The following DLG5 variants were observed in gnomAD, a reference collection of about 807,000 sequenced individuals.
DLG5 encodes the protein discs large MAGUK scaffold protein 5.
In DLG5, 48 loss-of-function variants were observed where a neutral mutation model predicts 189.8. The observed-to-expected ratio is 0.25, with a 90% CI of 0.20 to 0.32. The LOEUF is 0.32. Among genes scored for constraint, DLG5 ranks in the 10% least tolerant of loss-of-function variants. DLG5 has a pLI of 1.00. For synonymous variants in DLG5, 1,016 were observed against 1,054.1 expected, an observed-to-expected ratio of 0.96 and a Z score of 0.70; for missense variants, 2,160 against 2,544.7, an observed-to-expected ratio of 0.85 and a Z score of 3.25.
rs1840642403 is a variant in DLG5 at position 77,791,499 on chromosome 10, G to A, written c.*941C>T. ...TTCCCCTAAAAGCTCTCAATTCAATGTCTGAAACATGAATGTTTTCATATC... is the reference window on the plus strand; with the variant it reads ...TTCCCCTAAAAGCTCTCAATTCAATATCTGAAACATGAATGTTTTCATATC... On this transcript the variant is annotated 3_prime_UTR_variant, in exon 32 of 32. Coordinates refer to ENST00000372391, the MANE Select transcript of DLG5 (RefSeq NM_004747.4). 6.6e-6 allele frequency: 1 copy of A among 152,242 alleles called. No individual in the cohort carries two copies. Among genetic ancestry groups the A allele is most frequent in the African/African-American group, 2.4e-5 (1 of 41,456 alleles). The allele number at this position is 152,242 out of a possible 1,614,324, so 9.4% of individuals were successfully genotyped here.
chr10:77,932,869 T>A, the DLG5 span, among the ~76,000 whole-genome samples: 1 of 152,110 alleles, frequency 6.6e-6, no homozygotes, highest in Non-Finnish European at 1.5e-5. Context: ...CTCAGGTGAC[T>A]GAGGAGGAGG....
At position 77,796,532 on chromosome 10, in the gene DLG5, G is replaced by A. The variant is rs201358191; in HGVS notation, c.5227C>T (p.Leu1743=). 1.1e-5 allele frequency: 18 copies of A among 1,614,072 alleles called. No individual in the cohort carries two copies. The highest frequency in any genetic ancestry group is 9.3e-6 in the Non-Finnish European group (11 of 1,180,044). Residue 1743 remains leucine, a synonymous_variant, in exon 28 of 32, where the codon CTG becomes TTG. Transcript: ENST00000372391. This position sits in a 1 kb window ranked among gnomAD's most constrained non-coding sequence, Gnocchi z 5.2. ...ACGTCCAGCAAAGGCCCCAGAATCA[G>A]GACAGGCCTCAGAGCGGTGCAGTCC... is the stretch of plus-strand genomic sequence containing the variant. ...KVDCTALRPV[L]ILGPLLDVVK...
chr10:77,825,060 ACTG>A (rs1842551700), intron 13 of DLG5, among the ~76,000 whole-genome samples: 1 of 152,174 alleles, frequency 6.6e-6, no homozygotes. Context: ...ATTGCAGAAC[ACTG>A]CTCAGCAACG....
intron 2 of DLG5, among the ~76,000 whole-genome samples, chr10:77,867,569 T>C (rs555999066): frequency 5.3e-5 from 8 of 152,226 alleles, no homozygotes; most frequent in South Asian, 2.1e-4. Flanking sequence ...AACAAAGTAA[T>C]AGGATACCGT....
chr10:77,836,527 C>G (rs1843144457), intron 7 of DLG5, among the ~76,000 whole-genome samples: 1 of 152,080 alleles, frequency 6.6e-6, no homozygotes, highest in African/African-American at 2.4e-5. Context: ...CAGGAAGACA[C>G]ACACGCACAG....
intron 2 of DLG5, among the ~76,000 whole-genome samples, chr10:77,857,154 C>T (rs1844275230): frequency 6.6e-6 from 1 of 152,154 alleles, no homozygotes; most frequent in South Asian, 2.1e-4. Context: ...AAGACGCGCA[C>T]TCTCTCCCCA....
At chr10:77,935,222 T>C in the DLG5 span, among the ~76,000 whole-genome samples, 4 of 151,956 alleles carry the variant, frequency 2.6e-5, no homozygotes, top group African/African-American at 9.7e-5. Flanking sequence ...AGACCAACAA[T>C]CCCCAATGAG....
intron 20 of DLG5, among the ~76,000 whole-genome samples, chr10:77,814,496 T>C (rs1296626930): frequency 8.0e-6 from 1 of 125,168 alleles, no homozygotes; most frequent in Non-Finnish European, 1.6e-5. Flanking sequence ...TATATATATA[T>C]ATATATATAT....
Position 77,853,455 on chromosome 10 carries a change from G to A in DLG5, c.763C>T (p.Leu255=), listed in dbSNP as rs1429857077. The part of the protein sequence containing the change: ...DMLRRENGQL[L]RERNLLQQSW... ...TGCTGCAGCAGGTTTCGCTCCCGCA[G>A]CAGCTGCCCATTCTCCCGCCTCAGC... is the stretch of plus-strand genomic sequence containing the variant. The change falls in exon 5 of 32, where the codon CTG becomes TTG. Residue 255 remains leucine (L), a synonymous_variant. Transcript: ENST00000372391. 6.2e-7 allele frequency: 1 copy of A among 1,611,492 alleles called. No individual in the cohort carries two copies. Among genetic ancestry groups the A allele is most frequent in the Non-Finnish European group, 8.5e-7 (1 of 1,179,054 alleles).
intron 1 of DLG5, among the ~76,000 whole-genome samples, chr10:77,899,460 C>T (rs1845860531): frequency 6.6e-6 from 1 of 152,226 alleles, no homozygotes; most frequent in Non-Finnish European, 1.5e-5. Flanking sequence ...CTCTCTATGC[C>T]TCAGTTCCCT....
intron 27 of DLG5, among the ~76,000 whole-genome samples, chr10:77,797,460 C>T (rs985509491): frequency 6.6e-6 from 1 of 152,204 alleles, no homozygotes; most frequent in African/African-American, 2.4e-5. Context: ...CAGAGCAACA[C>T]ATGAACAGCA....
Position 77,853,683 on chromosome 10 carries a change from G to T in DLG5, c.681-146C>A, listed in dbSNP as rs1255485615. The T allele has an allele frequency of 1.8e-5, 15 of 816,222 alleles. 1 individual carries two copies. The highest frequency in any genetic ancestry group is 3.4e-5 in the African/African-American group (2 of 58,156). 50.6% of individuals were successfully genotyped at this position (816,222 alleles called of 1,614,324 possible). A position where few individuals can be genotyped will look rare whatever the true frequency, so the allele number is the denominator to read the frequency against. ...GGCAGGTAGGTCTGTAGCACTCAGA[G>T]GCAAGCCAAAACCTGCTAACAGCCC... On this transcript the variant is annotated intron_variant, in intron 4 of 31. Transcript: ENST00000372391.
At chr10:77,817,676 G>A in intron 18 of DLG5, 101 bp downstream of exon 18, 1 of 1,002,936 alleles carries the variant, frequency 1.0e-6, no homozygotes, top group South Asian at 1.5e-5. Context: ...GGTGACAGGA[G>A]CTCGTGTGGG....
intron 1 of DLG5, among the ~76,000 whole-genome samples, chr10:77,882,787 G>T (rs532359926): frequency 6.6e-6 from 1 of 151,638 alleles, no homozygotes; most frequent in Admixed American, 6.6e-5. Context: ...GCCTGGTGTG[G>T]TGGTGCACGT....
chr10:77,855,860 A>G (rs1844204499), intron 3 of DLG5, among the ~76,000 whole-genome samples: 1 of 152,198 alleles, frequency 6.6e-6, no homozygotes, highest in East Asian at 1.9e-4. Context: ...CATGGGAGCT[A>G]AAGGATAAAC....
intron 14 of DLG5, among the ~76,000 whole-genome samples, chr10:77,823,458 C>T (rs1842464062): frequency 6.6e-6 from 1 of 151,380 alleles, no homozygotes. Context: ...ACTAAATTGT[C>T]TTTTTGTCTA....
rs748210887 is a variant in DLG5 at position 77,821,464 on chromosome 10, G to A, written c.3020C>T (p.Ala1007Val). Residue 1007 changes from alanine to valine, a missense_variant, in exon 15 of 32, where the codon GCG (alanine) becomes GTG (valine). Ala to Val is a moderately conservative substitution (Grantham distance 64, BLOSUM62 0). Around this residue, in one of 5 missense-constraint regions of DLG5, gnomAD observed 754 missense variants for 746.5 expected, o/e 1.01. Coordinates refer to ENST00000372391, the MANE Select transcript of DLG5 (RefSeq NM_004747.4). ...AGGTTTTGGGGGTGTCAGAGGCCCC[G>A]CCCTCTTGGAGGGCTGGGGAGAGTG... is the stretch of plus-strand genomic sequence containing the variant. ...PAHSPQPSKR[A>V]GPLTPPKPPR... 11 of 1,607,832 alleles carry A rather than the reference G, an allele frequency of 6.8e-6. No individual in the cohort carries two copies. Among genetic ancestry groups the A allele is most frequent in the African/African-American group, 2.7e-5 (2 of 74,596 alleles).
At chr10:77,845,908 C>T (rs1328748605) in intron 5 of DLG5, among the ~76,000 whole-genome samples, 1 of 149,350 alleles carries the variant, frequency 6.7e-6, no homozygotes, top group Non-Finnish European at 1.5e-5. Context: ...ACTGACAGTG[C>T]CCACTCTACA....
chr10:77,871,945 T>C (rs1844919162), intron 1 of DLG5, among the ~76,000 whole-genome samples: 1 of 152,188 alleles, frequency 6.6e-6, no homozygotes, highest in Non-Finnish European at 1.5e-5. Context: ...GGGCAATCCA[T>C]TGATATCTTC....
Sources: allele counts gnomAD v4.1 joint callset (sites outside exome capture counted in the v4.1 genomes callset), GRCh38; gene constraint gnomAD v4.1.1; regional missense constraint gnomAD v4.1.1; non-coding constraint Gnocchi (gnomAD v3.1); transcripts MANE v1.5; gene names NCBI Gene and HGNC (gene_info 2026-07-23, HGNC 2026-07-21).